Variants in ADCY2 observed in about 807,000 individuals in gnomAD.
ADCY2 encodes adenylate cyclase type 2.
In ADCY2, 31 loss-of-function variants were observed where a neutral mutation model predicts 125.2. That is an observed-to-expected ratio of 0.25 (90% CI 0.19 to 0.33). The LOEUF (loss-of-function observed/expected upper bound fraction) is 0.33. Among genes scored for constraint, ADCY2 ranks in the 10% least tolerant of loss-of-function variants. The pLI is 1.00. For missense variants in ADCY2, 904 were observed against 1,418.2 expected, an observed-to-expected ratio of 0.64 and a Z score of 5.82; for synonymous variants, 512 against 548.4, an observed-to-expected ratio of 0.93 and a Z score of 0.93.
chr5:7,655,416 C>A lies in ADCY2; in HGVS notation c.720+29100C>A, dbSNP rs79493370. ...AGGCCCAGGAAAGCCAGTGGTGTGA[C>A]CCAGGCCAAATCTGAAGGCCTGAAC... On this transcript the variant is annotated intron_variant, in intron 4 of 24. Transcript: ENST00000338316. Among the ~76,000 whole-genome samples, 9 of 152,286 alleles carry A rather than the reference C, an allele frequency of 5.9e-5. No homozygotes were observed. The East Asian group carries it at 1.7e-3, about 29-fold the overall frequency.
intron 3 of ADCY2, among the ~76,000 whole-genome samples, chr5:7,610,731 T>A (rs1411635492): frequency 6.6e-6 from 1 of 152,124 alleles, no homozygotes; most frequent in Non-Finnish European, 1.5e-5. Context: ...AGGAGTGAGT[T>A]AGCACGGTGG....
intron 14 of ADCY2, among the ~76,000 whole-genome samples, chr5:7,741,745 A>G (rs1323997336): frequency 7.0e-6 from 1 of 142,056 alleles, no homozygotes; most frequent in African/African-American, 2.6e-5. Flanking sequence ...CATCACCATC[A>G]CCATCACCAT....
chr5:7,785,708 C>A (rs993341921), intron 19 of ADCY2, among the ~76,000 whole-genome samples: 2 of 152,166 alleles, frequency 1.3e-5, no homozygotes, highest in African/African-American at 2.4e-5. Flanking sequence ...CCTAGATGAT[C>A]ATTTCTCAGA....
intron 3 of ADCY2, among the ~76,000 whole-genome samples, chr5:7,576,405 T>C (rs1736250688): frequency 6.6e-6 from 1 of 152,242 alleles, no homozygotes; most frequent in Admixed American, 6.5e-5. Context: ...CTCTGTTGCA[T>C]CTGTGTTTTT....
intron 2 of ADCY2, among the ~76,000 whole-genome samples, chr5:7,415,437 G>A (rs776766379): frequency 5.3e-5 from 8 of 152,214 alleles, no homozygotes; most frequent in Middle Eastern, 3.4e-3. Context: ...TTTACATCTC[G>A]AACCACAGTT....
At chr5:7,798,573 C>CTTTTTTTTTT (rs150114974) in intron 20 of ADCY2, 1 of 115,344 alleles carries the variant, frequency 8.7e-6, no homozygotes, top group Non-Finnish European at 1.7e-5. Context: ...TTGACTATTT[C>CTTTTTTTTTT]TTTTTTTTTT....
chr5:7,420,636 A>C (rs1215199117), intron 2 of ADCY2, among the ~76,000 whole-genome samples: 3 of 152,174 alleles, frequency 2.0e-5, no homozygotes, highest in Admixed American at 2.0e-4. Flanking sequence ...AGCTGATGCC[A>C]TTCCACGTAG....
intron 2 of ADCY2, among the ~76,000 whole-genome samples, chr5:7,453,876 G>T (rs1043793914): frequency 6.6e-6 from 1 of 151,970 alleles, no homozygotes; most frequent in Non-Finnish European, 1.5e-5. Context: ...TTCCTAGGAG[G>T]TCATATACCA....
intron 20 of ADCY2, chr5:7,797,243 C>G (rs890565367): frequency 1.3e-5 from 2 of 152,226 alleles, no homozygotes; most frequent in Non-Finnish European, 2.9e-5. Flanking sequence ...ACACCAGGTG[C>G]TTAATGGTTC....
Position 7,414,605 on chromosome 5 carries a change from A to G in ADCY2, c.243A>G (p.Thr81=), listed in dbSNP as rs1739863713. ...EVEDHVAFLI[T]VPTALAIFFA... is the part of the protein sequence containing the mutation. The stretch of plus-strand genomic sequence containing the variant: ...AAGACCATGTGGCGTTTCTAATAAC[A>G]GTTCCAACTGCCCTGGCGATTTTCT... The change falls in exon 2 of 25, where the codon ACA becomes ACG. Residue 81 remains threonine (T), a synonymous_variant. Transcript: ENST00000338316. 3 of 1,613,192 alleles carry G rather than the reference A, an allele frequency of 1.9e-6. No individual in the cohort carries two copies. The highest frequency in any genetic ancestry group is 2.5e-6 in the Non-Finnish European group (3 of 1,179,786).
chr5:7,736,688 C>T (rs925018028), intron 14 of ADCY2, among the ~76,000 whole-genome samples: 1 of 151,882 alleles, frequency 6.6e-6, no homozygotes, highest in African/African-American at 2.4e-5. Context: ...CAGAATGTCT[C>T]TGTCAACTCT....
chr5:7,655,146 C>G (rs1450509869), intron 4 of ADCY2, among the ~76,000 whole-genome samples: 1 of 152,150 alleles, frequency 6.6e-6, no homozygotes, highest in Non-Finnish European at 1.5e-5. Flanking sequence ...ACTAAGGAAC[C>G]AACAGTAACT....
At chr5:7,757,749 C>T (rs575371115) in intron 16 of ADCY2, among the ~76,000 whole-genome samples, 163 bp downstream of exon 16, 1 of 152,316 alleles carries the variant, frequency 6.6e-6, no homozygotes, top group Admixed American at 6.5e-5. Context: ...TCACAGCAGG[C>T]AGGGCGTTCT....
intron 3 of ADCY2, among the ~76,000 whole-genome samples, chr5:7,569,418 G>T (rs1736004385): frequency 6.6e-6 from 1 of 151,988 alleles, no homozygotes; most frequent in South Asian, 2.1e-4. Flanking sequence ...AAAATAATTT[G>T]GCCTTCATTA....
At chr5:7,551,928 T>C (rs1735356511) in intron 3 of ADCY2, among the ~76,000 whole-genome samples, 1 of 152,218 alleles carries the variant, frequency 6.6e-6, no homozygotes, top group Non-Finnish European at 1.5e-5. Context: ...TTTTTCTGTA[T>C]GTATATGCCT....
intron 2 of ADCY2, among the ~76,000 whole-genome samples, chr5:7,437,009 C>T (rs1740828897): frequency 6.6e-6 from 1 of 152,144 alleles, no homozygotes; most frequent in African/African-American, 2.4e-5. Context: ...AAGGGACCCT[C>T]TAAAGGGGCC....
chr5:7,486,431 A>G (rs1475501160), intron 2 of ADCY2, among the ~76,000 whole-genome samples: 1 of 152,202 alleles, frequency 6.6e-6, no homozygotes, highest in Non-Finnish European at 1.5e-5. Context: ...GTTATTTTTA[A>G]CATGAATTTT....
At chr5:7,703,985 G>C (rs576216744) in intron 7 of ADCY2, among the ~76,000 whole-genome samples, 20 of 143,376 alleles carry the variant, frequency 1.4e-4, no homozygotes, top group Non-Finnish European at 2.2e-4. Flanking sequence ...CTGGGCAACA[G>C]AGCAAGATTC....
Position 7,474,227 on chromosome 5 carries a change from C to T in ADCY2, c.409-46511C>T, listed in dbSNP as rs570433368. ...TACATTCTCAATCTATTCATTAACT[C>T]ATTTGTTGAACAAAGCAAGATTGAA... is the stretch of plus-strand genomic sequence containing the variant. On this transcript the variant is annotated intron_variant, in intron 2 of 24. Transcript: ENST00000338316. Among the ~76,000 whole-genome samples the T allele has an allele frequency of 1.4e-4, 22 of 152,338 alleles. No individual in the cohort carries two copies. The South Asian group carries it at 4.6e-3, about 32-fold the overall frequency.
Sources: gnomAD v4.1 joint callset for allele counts (sites outside exome capture counted in the v4.1 genomes callset) on GRCh38, gnomAD v4.1.1 for gene constraint, MANE v1.5 for transcripts, NCBI Gene and HGNC (gene_info 2026-07-23, HGNC 2026-07-21) for gene names.